PLCG2: variants seen among roughly 807,000 people sequenced by gnomAD.
PLCG2 encodes the protein 1-phosphatidylinositol 4,5-bisphosphate phosphodiesterase gamma-2.
In PLCG2, 69 loss-of-function variants were observed where a neutral mutation model predicts 175.6. That is an observed-to-expected ratio of 0.39 (90% CI 0.32 to 0.48). PLCG2 has a LOEUF of 0.48. Ranked by LOEUF, PLCG2 falls within the 20% of genes least tolerant of loss-of-function variation. The probability of loss-of-function intolerance (pLI) is 0.91; values close to 1 mark genes in which losing one functional copy is unlikely to be tolerated. For missense variants in PLCG2, 1,798 were observed against 1,650.9 expected, an observed-to-expected ratio of 1.09 and a Z score of -1.54; for synonymous variants, 827 against 624.0, an observed-to-expected ratio of 1.33 and a Z score of -4.85.
intron 2 of PLCG2, among the ~76,000 whole-genome samples, chr16:81,824,227 G>A (rs542097004): frequency 1.1e-4 from 17 of 148,830 alleles, no homozygotes; most frequent in African/African-American, 3.7e-4. Context: ...TCCACCTCCC[G>A]GCTTCAAGCA....
chr16:81,836,901 C>G (rs1282218053), intron 2 of PLCG2, among the ~76,000 whole-genome samples: 2 of 152,202 alleles, frequency 1.3e-5, no homozygotes, highest in African/African-American at 4.8e-5. Flanking sequence ...GTCAGGACCC[C>G]TGCTGTGCAC....
chr16:81,925,476 A>T (rs563876866), intron 22 of PLCG2, among the ~76,000 whole-genome samples: 1 of 152,312 alleles, frequency 6.6e-6, no homozygotes, highest in East Asian at 1.9e-4. Flanking sequence ...AAGGGCTTAC[A>T]ACCCGCAGTC....
At chr16:81,863,585 G>C (rs150312478) in intron 5 of PLCG2, among the ~76,000 whole-genome samples, 2 of 152,166 alleles carry the variant, frequency 1.3e-5, no homozygotes, top group South Asian at 2.1e-4. Flanking sequence ...TGCTGGATCA[G>C]TTGCTGGATT....
At chr16:81,934,915 C>T (rs542503452) in intron 26 of PLCG2, among the ~76,000 whole-genome samples, 25 of 152,114 alleles carry the variant, frequency 1.6e-4, no homozygotes, top group East Asian at 5.8e-4. Flanking sequence ...ACCACAACAA[C>T]GGTACAGGGG....
At chr16:81,891,847 G>A (rs1022241610) in intron 11 of PLCG2, among the ~76,000 whole-genome samples, 4 of 152,186 alleles carry the variant, frequency 2.6e-5, no homozygotes, top group Non-Finnish European at 5.9e-5. Flanking sequence ...CTTAGTTTAT[G>A]TAACTTAGTA....
chr16:81,787,393 ATT>A lies in PLCG2; in HGVS notation c.193+1228_193+1229del, dbSNP rs67160306. 5.0e-3 allele frequency among the ~76,000 whole-genome samples: 472 copies of A among 94,550 alleles called. 21 individuals are homozygous for A. Among genetic ancestry groups the A allele is most frequent in the Admixed American group, 0.05 (395 of 7,946 alleles). The allele number at this position is 94,550 out of a possible 152,430, so 62.0% of individuals were successfully genotyped here. A position where few individuals can be genotyped will look rare whatever the true frequency, so the allele number is the denominator to read the frequency against. ...TGCACCGCCATGCCTGGATAATTTA[ATT>A]TTTTTTTTTTTTTTTTGTAGAGATG... On this transcript the variant is annotated intron_variant, in intron 2 of 32. Transcript: ENST00000564138.
intron 2 of PLCG2, among the ~76,000 whole-genome samples, chr16:81,796,141 C>T (rs891558981): frequency 3.3e-5 from 5 of 152,186 alleles, no homozygotes; most frequent in African/African-American, 9.6e-5. Flanking sequence ...AAGTGGTGAG[C>T]CACTGGCACT....
At chr16:81,889,520 G>T (rs1198029515) in intron 10 of PLCG2, 3 of 343,264 alleles carry the variant, frequency 8.7e-6, no homozygotes, top group African/African-American at 6.3e-5. Context: ...GATTGATCAA[G>T]GCAGGGGAAT....
At chr16:81,889,066 A>G in intron 9 of PLCG2, 106 bp from the exon 10 acceptor site, 1 of 657,002 alleles carries the variant, frequency 1.5e-6, no homozygotes, top group African/African-American at 1.8e-5. Context: ...TGAATTCGGA[A>G]TTGGTTGATG....
intron 11 of PLCG2, among the ~76,000 whole-genome samples, chr16:81,891,903 C>T (rs1218860917): frequency 6.6e-6 from 1 of 152,188 alleles, no homozygotes; most frequent in Non-Finnish European, 1.5e-5. Flanking sequence ...TTGGGCATCT[C>T]ACAGTAGCCA....
At chr16:81,742,901 G>C (rs762786006) in intron 1 of PLCG2, among the ~76,000 whole-genome samples, 10 of 152,198 alleles carry the variant, frequency 6.6e-5, no homozygotes, top group Non-Finnish European at 1.5e-4. Context: ...CGTGTGAAGA[G>C]GGCCTGCTCT....
intron 25 of PLCG2, among the ~76,000 whole-genome samples, chr16:81,933,763 G>T (rs953699148): frequency 6.6e-6 from 1 of 152,176 alleles, no homozygotes; most frequent in Non-Finnish European, 1.5e-5. Context: ...ATTCTCTCAA[G>T]GTCCCCCCTT....
chr16:81,927,253 T>G (rs979000777), intron 23 of PLCG2, 75 bp downstream of exon 23: 7 of 974,560 alleles, frequency 7.2e-6, no homozygotes, highest in Non-Finnish European at 1.2e-5. Flanking sequence ...CTGTGCCATC[T>G]CAGTGGGTGA....
chr16:81,950,804 G>T (rs1468633826), intron 31 of PLCG2, among the ~76,000 whole-genome samples: 1 of 152,178 alleles, frequency 6.6e-6, no homozygotes, highest in Non-Finnish European at 1.5e-5. Flanking sequence ...ACATTTAGAA[G>T]AGGAAAGTGC....
At chr16:81,916,385 A>AT (rs568787242) in intron 19 of PLCG2, among the ~76,000 whole-genome samples, 1 of 152,048 alleles carries the variant, frequency 6.6e-6, no homozygotes, top group African/African-American at 2.4e-5. Flanking sequence ...CCTTTTCTTG[A>AT]TTTTTTTCCC....
intron 2 of PLCG2, among the ~76,000 whole-genome samples, chr16:81,832,129 C>T (rs574739771): frequency 2.6e-5 from 4 of 152,012 alleles, no homozygotes; most frequent in South Asian, 2.1e-4. Flanking sequence ...GATATTGTGG[C>T]GATTCTGTGG....
At chr16:81,841,281 G>T (rs1905816055) in intron 2 of PLCG2, among the ~76,000 whole-genome samples, 1 of 151,800 alleles carries the variant, frequency 6.6e-6, no homozygotes, top group Non-Finnish European at 1.5e-5. Flanking sequence ...GAGTCGCCTA[G>T]GCTGGAGTGC....
chr16:81,861,145 T>G (rs1419952475), intron 5 of PLCG2, among the ~76,000 whole-genome samples: 3 of 152,244 alleles, frequency 2.0e-5, no homozygotes, highest in African/African-American at 7.2e-5. Flanking sequence ...CCTTGTCTCA[T>G]GTTAGCCTCA....
Position 81,817,133 on chromosome 16 carries a change from C to G in PLCG2, c.193+30951C>G, listed in dbSNP as rs189153390. On this transcript the variant is annotated intron_variant, in intron 2 of 32. Transcript: ENST00000564138. ...CAGGGAGGTGAAGACAAAGCCCTCT[C>G]TTTACAAGCGAAGTCAGCACAAGGG... 3.9e-5 allele frequency among the ~76,000 whole-genome samples: 6 copies of G among 152,248 alleles called. No homozygotes were observed. The East Asian group carries it at 1.2e-3, about 29-fold the overall frequency.
Sources: gnomAD v4.1 joint callset for allele counts (sites outside exome capture counted in the v4.1 genomes callset) on GRCh38, gnomAD v4.1.1 for gene constraint, MANE v1.5 for transcripts, NCBI Gene and HGNC (gene_info 2026-07-23, HGNC 2026-07-21) for gene names.